The following ARHGAP15 variants were observed in gnomAD, a reference collection of about 807,000 sequenced individuals.
The protein encoded by ARHGAP15 is Rho GTPase activating protein 15.
Under a neutral mutation model 63.7 loss-of-function variants are expected in ARHGAP15, and 51 were observed. That is an observed-to-expected ratio of 0.80 (90% CI 0.64 to 1.01). The LOEUF (loss-of-function observed/expected upper bound fraction) is 1.01. ARHGAP15 is among the 50% of genes least tolerant of loss of function. The probability of loss-of-function intolerance (pLI) is 0.00; values close to 1 mark genes in which losing one functional copy is unlikely to be tolerated. For synonymous variants in ARHGAP15, 191 were observed against 193.8 expected (o/e 0.99, Z 0.12); for missense variants, 560 against 564.6 (o/e 0.99, Z 0.08).
In ARHGAP15 at chr2:143,435,596, T is replaced by TTTTC; in HGVS notation, c.475-5_475-4insTTTC. ...TATTTCTTTTTCTTTTTTTTTTTTT[T>TTTTC]GCAGATCACAACAGTATCAGGAAAT... is the stretch of plus-strand genomic sequence containing the variant. On this transcript the variant is annotated splice_region_variant and splice_polypyrimidine_tract_variant and intron_variant, in intron 6 of 13. Transcript: ENST00000295095. 6.5e-7 allele frequency: 1 copy of TTTTC among 1,536,426 alleles called. No homozygotes were observed. Among genetic ancestry groups the TTTTC allele is most frequent in the South Asian group, 1.3e-5 (1 of 78,234 alleles).
intron 6 of ARHGAP15, among the ~76,000 whole-genome samples, chr2:143,356,433 T>C (rs1345941084): frequency 6.6e-6 from 1 of 152,188 alleles, no homozygotes. Flanking sequence ...TGATCTTTTA[T>C]ACTTCAAACT....
chr2:143,453,368 A>G (rs907566370), intron 8 of ARHGAP15, among the ~76,000 whole-genome samples: 1 of 151,970 alleles, frequency 6.6e-6, no homozygotes, highest in African/African-American at 2.4e-5. Flanking sequence ...ACTGTTTTAT[A>G]ATCTTAAAAA....
At chr2:143,226,584 T>A (rs1693222340) in intron 4 of ARHGAP15, among the ~76,000 whole-genome samples, 1 of 152,230 alleles carries the variant, frequency 6.6e-6, no homozygotes, top group Admixed American at 6.5e-5. Flanking sequence ...GCTGCTTCAA[T>A]TCACTCTGCT....
intron 13 of ARHGAP15, among the ~76,000 whole-genome samples, chr2:143,707,607 C>A (rs1684389962): frequency 6.6e-6 from 1 of 152,094 alleles, no homozygotes; most frequent in African/African-American, 2.4e-5. Flanking sequence ...GCAGACTTTT[C>A]AAAGTTTCAT....
intron 11 of ARHGAP15, among the ~76,000 whole-genome samples, chr2:143,573,910 C>G (rs1161505918): frequency 1.3e-5 from 2 of 152,024 alleles, no homozygotes; most frequent in Non-Finnish European, 2.9e-5. Flanking sequence ...AAGGTTGCCT[C>G]TCTTATATTT....
At chr2:143,277,656 C>T (rs1470524050) in intron 6 of ARHGAP15, among the ~76,000 whole-genome samples, 1 of 152,008 alleles carries the variant, frequency 6.6e-6, no homozygotes, top group Non-Finnish European at 1.5e-5. Flanking sequence ...GGGGTCACAA[C>T]ACCCATTTTA....
intron 6 of ARHGAP15, among the ~76,000 whole-genome samples, chr2:143,280,218 A>G (rs1380755393): frequency 6.6e-6 from 1 of 152,156 alleles, no homozygotes; most frequent in African/African-American, 2.4e-5. Flanking sequence ...CTAAAGGAAA[A>G]GATGAGAAAT....
intron 10 of ARHGAP15, among the ~76,000 whole-genome samples, chr2:143,544,061 A>G (rs901387142): frequency 2.0e-5 from 3 of 152,160 alleles, no homozygotes; most frequent in African/African-American, 4.8e-5. Flanking sequence ...ACAAAAGCCA[A>G]TGGTATAAAT....
chr2:143,614,282 G>A lies in ARHGAP15; in HGVS notation c.1004-9851G>A, dbSNP rs142399637. Among the ~76,000 whole-genome samples the A allele has an allele frequency of 9.5e-3, 1,442 of 152,212 alleles. 10 individuals carry two copies. The highest frequency in any genetic ancestry group is 0.017 in the Non-Finnish European group (1,134 of 68,012). Reference sequence around the variant, plus strand: ...AAGAAGTTATATAATAACATTTACCGTACTTGATTACATTTTTTTCTATTT... The same window carrying A: ...AAGAAGTTATATAATAACATTTACCATACTTGATTACATTTTTTTCTATTT... On this transcript the variant is annotated intron_variant, in intron 11 of 13. Coordinates refer to ENST00000295095, the MANE Select transcript of ARHGAP15 (RefSeq NM_018460.4).
At chr2:143,359,994 A>G (rs1478738105) in intron 6 of ARHGAP15, among the ~76,000 whole-genome samples, 2 of 152,172 alleles carry the variant, frequency 1.3e-5, no homozygotes, top group African/African-American at 4.8e-5. Flanking sequence ...AGGCCTGGAA[A>G]GATTGAGTTA....
chr2:143,319,699 G>T (rs908080503), intron 6 of ARHGAP15, among the ~76,000 whole-genome samples: 1 of 151,830 alleles, frequency 6.6e-6, no homozygotes, highest in Non-Finnish European at 1.5e-5. Flanking sequence ...TGCCCATTTT[G>T]TCTGTTGCCC....
intron 5 of ARHGAP15, among the ~76,000 whole-genome samples, chr2:143,246,794 A>C (rs988991405): frequency 6.6e-6 from 1 of 152,140 alleles, no homozygotes; most frequent in Non-Finnish European, 1.5e-5. Flanking sequence ...ATAGCATCAG[A>C]AACACACGGA....
At chr2:143,242,435 G>A (rs10178148) in intron 5 of ARHGAP15, among the ~76,000 whole-genome samples, 121,412 of 152,184 alleles carry the variant, frequency 0.8, 49,384 homozygotes, top group African/African-American at 0.95. Context: ...GTAAATGTAA[G>A]ACTATATCAG....
At chr2:143,263,667 T>C (rs1680848416) in intron 6 of ARHGAP15, among the ~76,000 whole-genome samples, 1 of 152,200 alleles carries the variant, frequency 6.6e-6, no homozygotes, top group African/African-American at 2.4e-5. Context: ...ATGCTCTGGA[T>C]ACATTCTTAT....
At chr2:143,479,524 T>C (rs1259311099) in intron 8 of ARHGAP15, among the ~76,000 whole-genome samples, 2 of 152,156 alleles carry the variant, frequency 1.3e-5, no homozygotes, top group East Asian at 3.9e-4. Context: ...TGATGCCCTA[T>C]GATATTTTCT....
At chr2:143,168,439 A>T (rs1201940365) in intron 2 of ARHGAP15, among the ~76,000 whole-genome samples, 2 of 152,018 alleles carry the variant, frequency 1.3e-5, no homozygotes, top group Non-Finnish European at 2.9e-5. Flanking sequence ...TTGGCCTTCC[A>T]AAGTGCTGGG....
intron 11 of ARHGAP15, among the ~76,000 whole-genome samples, chr2:143,602,885 G>GGT (rs1438350463): frequency 6.6e-6 from 1 of 152,076 alleles, no homozygotes; most frequent in East Asian, 1.9e-4. Context: ...ACACAGACGG[G>GGT]GTGTGTGTCT....
chr2:143,297,559 C>A (rs1395764642), intron 6 of ARHGAP15, among the ~76,000 whole-genome samples: 1 of 152,072 alleles, frequency 6.6e-6, no homozygotes, highest in East Asian at 1.9e-4. Flanking sequence ...AAATCAAAGC[C>A]ATTTTCAGGT....
At chr2:143,384,181 C>T (rs1299577837) in intron 6 of ARHGAP15, among the ~76,000 whole-genome samples, 3 of 151,712 alleles carry the variant, frequency 2.0e-5, no homozygotes, top group Non-Finnish European at 4.4e-5. Flanking sequence ...TAAACGTATG[C>T]CTGTTGATTT....
Sources: allele counts gnomAD v4.1 joint callset (sites outside exome capture counted in the v4.1 genomes callset), GRCh38; gene constraint gnomAD v4.1.1; transcripts MANE v1.5; gene names NCBI Gene and HGNC (gene_info 2026-07-23, HGNC 2026-07-21).